The following LAMA2 variants were observed in gnomAD, a reference collection of about 807,000 sequenced individuals.
LAMA2 encodes laminin subunit alpha 2, also known as laminin subunit alpha-2.
A neutral mutation model predicts 364.8 loss-of-function variants in LAMA2; 269 were observed. That is an observed-to-expected ratio of 0.74 (90% CI 0.67 to 0.82). The LOEUF (loss-of-function observed/expected upper bound fraction) is 0.82. Ranked by LOEUF, LAMA2 falls within the 40% of genes least tolerant of loss-of-function variation. The pLI is 0.00. For missense variants in LAMA2, 3,807 were observed against 3,873.2 expected (o/e 0.98, Z 0.45); for synonymous variants, 1,379 against 1,370.6 (o/e 1.01, Z -0.14).
At chr6:129,239,152 C>T (rs373381731) in intron 12 of LAMA2, among the ~76,000 whole-genome samples, 115 of 152,244 alleles carry the variant, frequency 7.6e-4, no homozygotes, top group African/African-American at 1.7e-3. Context: ...ATCACAACAA[C>T]GCTATGAGGT....
chr6:129,454,056 A>T, intron 46 of LAMA2, 99 bp from the exon 47 acceptor site: 1 of 863,668 alleles, frequency 1.2e-6, no homozygotes, highest in Middle Eastern at 2.2e-4. Flanking sequence ...ATCATTTCAC[A>T]TGTCTGCAAA....
intron 1 of LAMA2, among the ~76,000 whole-genome samples, chr6:128,940,037 G>A (rs1160469136): frequency 6.6e-6 from 1 of 152,098 alleles, no homozygotes; most frequent in Non-Finnish European, 1.5e-5. Context: ...GACCAAAAAT[G>A]TTCTGCCATT....
At chr6:129,132,286 C>G (rs1777534684) in intron 4 of LAMA2, among the ~76,000 whole-genome samples, 1 of 152,024 alleles carries the variant, frequency 6.6e-6, no homozygotes. Flanking sequence ...CCCACCTCAG[C>G]CTCCTGAGTA....
At chr6:129,384,382 A>G (rs1778861568) in intron 35 of LAMA2, among the ~76,000 whole-genome samples, 1 of 152,230 alleles carries the variant, frequency 6.6e-6, no homozygotes, top group Non-Finnish European at 1.5e-5. Flanking sequence ...TCAATGCTCC[A>G]GGAACTTTCC....
chr6:129,459,971 G>A (rs1364491252), intron 48 of LAMA2, among the ~76,000 whole-genome samples: 2 of 152,174 alleles, frequency 1.3e-5, no homozygotes, highest in Non-Finnish European at 2.9e-5. Flanking sequence ...AAAGTAATCA[G>A]CATTCGTGGA....
intron 1 of LAMA2, among the ~76,000 whole-genome samples, chr6:128,998,200 G>T (rs536882398): frequency 1.8e-4 from 27 of 152,170 alleles, no homozygotes; most frequent in Non-Finnish European, 3.7e-4. Flanking sequence ...GAAGGAAGAT[G>T]GCGAACCAGA....
chr6:129,490,722 T>C lies in LAMA2; in HGVS notation c.7899-1179T>C, dbSNP rs1233876903. 2.0e-5 allele frequency: 3 copies of C among 152,202 alleles called. No individual in the cohort carries two copies. In the East Asian group the frequency reaches 5.8e-4, roughly 29 times the overall value. The allele number at this position is 152,202 out of a possible 1,614,324, so 9.4% of individuals were successfully genotyped here. A position where few individuals can be genotyped will look rare whatever the true frequency, so the allele number is the denominator to read the frequency against. On this transcript the variant is annotated intron_variant, in intron 56 of 64. Transcript: ENST00000421865. ...CGTCTCAGGAAACCACCGACACTCT[T>C]AGCAAGGAAGCTGAACCTCCTGGGT...
At chr6:129,012,098 T>C (rs12204924) in intron 1 of LAMA2, among the ~76,000 whole-genome samples, 25,946 of 152,204 alleles carry the variant, frequency 0.17, 2,624 homozygotes, top group African/African-American at 0.28. Flanking sequence ...AGTTCTATAC[T>C]GTACCTTGTC....
chr6:128,904,048 G>T (rs546190259), intron 1 of LAMA2, among the ~76,000 whole-genome samples: 1 of 152,140 alleles, frequency 6.6e-6, no homozygotes, highest in Non-Finnish European at 1.5e-5. Flanking sequence ...TTCTAGAACC[G>T]CCATTTCCTT....
chr6:129,492,952 G>A (rs1429757058), intron 58 of LAMA2, among the ~76,000 whole-genome samples: 1 of 152,122 alleles, frequency 6.6e-6, no homozygotes, highest in Non-Finnish European at 1.5e-5. Flanking sequence ...TCAGGAGTTC[G>A]AGACCAGCCT....
At chr6:129,448,334 A>G (rs961362520) in intron 45 of LAMA2, among the ~76,000 whole-genome samples, 3 of 152,194 alleles carry the variant, frequency 2.0e-5, no homozygotes, top group Admixed American at 2.0e-4. Flanking sequence ...TAACGTTAAG[A>G]AAAAGTAATC....
intron 8 of LAMA2, among the ~76,000 whole-genome samples, chr6:129,163,428 G>T (rs1403177422): frequency 6.6e-6 from 1 of 152,150 alleles, no homozygotes. Flanking sequence ...GCGGTCAGGA[G>T]TTTAAGACCA....
chr6:129,266,932 A>G (rs1319069693), intron 15 of LAMA2, among the ~76,000 whole-genome samples, 174 bp from the exon 16 acceptor site: 1 of 152,152 alleles, frequency 6.6e-6, no homozygotes, highest in Non-Finnish European at 1.5e-5. Flanking sequence ...GCAAAGCCCC[A>G]GTGTCAGGAG....
rs59369709 is a variant in LAMA2 at position 129,031,815 on chromosome 6, ATTTCT to A, written c.113-18084_113-18080del. ...ATTTATGTACTAAATCCTGATATGA[ATTTCT>A]TTTCTTTTCTTTTCTTTTTTTTTGA... On this transcript the variant is annotated intron_variant, in intron 1 of 64. Coordinates refer to ENST00000421865, the MANE Select transcript of LAMA2 (RefSeq NM_000426.4). Among the ~76,000 whole-genome samples the A allele has an allele frequency of 3.7e-4, 56 of 150,538 alleles. No homozygotes were observed. In the East Asian group the frequency reaches 7.5e-3, roughly 20 times the overall value.
chr6:129,006,666 C>G (rs1452940672), intron 1 of LAMA2, among the ~76,000 whole-genome samples: 3 of 152,154 alleles, frequency 2.0e-5, no homozygotes, highest in Non-Finnish European at 4.4e-5. Flanking sequence ...CTGCTGCCCT[C>G]TCCTCATTCC....
chr6:129,296,595 A>G (rs961154502), intron 20 of LAMA2, among the ~76,000 whole-genome samples: 10 of 152,076 alleles, frequency 6.6e-5, no homozygotes, highest in African/African-American at 2.4e-4. Context: ...AAAACTACTA[A>G]CAATAATATC....
Position 129,464,311 on chromosome 6 carries a change from G to A in LAMA2, c.7014G>A (p.Glu2338=). 6.2e-7 allele frequency: 1 copy of A among 1,612,098 alleles called. No homozygotes were observed. The highest frequency in any genetic ancestry group is 8.5e-7 in the Non-Finnish European group (1 of 1,178,622). The change falls in exon 50 of 65, where the codon GAG becomes GAA. Residue 2338 remains glutamate (E), a synonymous_variant. Coordinates refer to ENST00000421865, the MANE Select transcript of LAMA2 (RefSeq NM_000426.4). ...CTVSPQVEDS[E]GTIQFDGEGY... Reference sequence around the variant, plus strand: ...TCAGTCCTCAGGTGGAAGATAGTGAGGGGACTATTCAATTTGATGGAGAAG... The same window carrying A: ...TCAGTCCTCAGGTGGAAGATAGTGAAGGGACTATTCAATTTGATGGAGAAG...
At chr6:129,417,119 G>T (rs1318641925) in intron 40 of LAMA2, among the ~76,000 whole-genome samples, 1 of 152,106 alleles carries the variant, frequency 6.6e-6, no homozygotes, top group Non-Finnish European at 1.5e-5. Context: ...GGGGAAGGGG[G>T]TGTGTTTCAA....
intron 1 of LAMA2, among the ~76,000 whole-genome samples, chr6:129,006,341 C>T (rs1784440553): frequency 6.6e-6 from 1 of 152,052 alleles, no homozygotes; most frequent in Non-Finnish European, 1.5e-5. Context: ...TTAACTTGTG[C>T]CAATAGATTG....
Sources: gnomAD v4.1 joint callset for allele counts (sites outside exome capture counted in the v4.1 genomes callset) on GRCh38, gnomAD v4.1.1 for gene constraint, MANE v1.5 for transcripts, NCBI Gene and HGNC (gene_info 2026-07-23, HGNC 2026-07-21) for gene names.